PDE2A: variants seen among roughly 807,000 people sequenced by gnomAD.
PDE2A encodes the protein cGMP-dependent 3',5'-cyclic phosphodiesterase.
PDE2A carries 53 observed loss-of-function variants against 133.6 expected under a neutral mutation model. The ratio of observed to expected loss-of-function variants is 0.40; its 90% CI spans 0.32 to 0.50. The LOEUF (loss-of-function observed/expected upper bound fraction) is 0.50. PDE2A is among the 20% of genes least tolerant of loss of function. The pLI is 0.73. For synonymous variants in PDE2A, 491 were observed against 490.2 expected (o/e 1.00, Z -0.02); for missense variants, 796 against 1,232.4 (o/e 0.65, Z 5.30).
intron 1 of PDE2A, among the ~76,000 whole-genome samples, chr11:72,650,566 C>T (rs1165206603): frequency 6.6e-6 from 1 of 152,174 alleles, no homozygotes; most frequent in Non-Finnish European, 1.5e-5. Context: ...CCCAATCCTT[C>T]CCCAATCTCC....
intron 2 of PDE2A, among the ~76,000 whole-genome samples, chr11:72,635,703 GA>G (rs1440237207): frequency 3.9e-5 from 6 of 152,188 alleles, no homozygotes; most frequent in Non-Finnish European, 7.3e-5. Context: ...TTACAAGTGA[GA>G]AAATGCAGCC....
Position 72,580,967 on chromosome 11 carries a change from G to C in PDE2A, c.2052C>G (p.Ile684Met). The change falls in exon 24 of 31, where the codon ATC becomes ATG. Residue 684 changes from isoleucine (I) to methionine (M), a missense_variant. Around this residue, in one of 7 missense-constraint regions of PDE2A, gnomAD observed 218 missense variants for 465.9 expected, o/e 0.47. Transcript: ENST00000334456. ...NLELTNYLED[I>M]EIFALFISCM... Reference sequence around the variant, plus strand: ...AGGAAATAAACAAGGCAAAGATCTCGATGTCCCTGGTTGAGAGGCAGAAAG... The same window carrying C: ...AGGAAATAAACAAGGCAAAGATCTCCATGTCCCTGGTTGAGAGGCAGAAAG... The C allele has an allele frequency of 6.2e-7, 1 of 1,609,362 alleles. No homozygotes were observed. The highest frequency in any genetic ancestry group is 8.5e-7 in the Non-Finnish European group (1 of 1,175,818).
chr11:72,638,313 A>G (rs943809883), intron 2 of PDE2A, among the ~76,000 whole-genome samples: 2 of 152,232 alleles, frequency 1.3e-5, no homozygotes, highest in African/African-American at 4.8e-5. Context: ...TTCCCTAGAC[A>G]GAGCTGGACT....
At chr11:72,636,150 G>C (rs1591111892) in intron 2 of PDE2A, 1 of 1,157,338 alleles carries the variant, frequency 8.6e-7, no homozygotes, top group East Asian at 6.3e-5. Flanking sequence ...GCAGAGGAGG[G>C]GCCCTGCCGG....
intron 1 of PDE2A, among the ~76,000 whole-genome samples, chr11:72,663,740 A>AG (rs1390043007): frequency 3.3e-5 from 5 of 151,904 alleles, no homozygotes; most frequent in African/African-American, 1.2e-4. Context: ...AAAAAAAAAA[A>AG]AAGAAAGAAA....
intron 1 of PDE2A, among the ~76,000 whole-genome samples, chr11:72,669,221 C>T (rs1330153583): frequency 6.6e-6 from 1 of 152,212 alleles, no homozygotes; most frequent in African/African-American, 2.4e-5. Context: ...GCCACCTTCT[C>T]TGCTCTATCT....
rs768459048 is a variant in PDE2A at position 72,642,246 on chromosome 11, C to A, written c.144+8G>T. 2.6e-6 allele frequency: 4 copies of A among 1,514,008 alleles called. No homozygotes were observed. Among genetic ancestry groups the A allele is most frequent in the Non-Finnish European group, 3.5e-6 (4 of 1,133,452 alleles). The allele number at this position is 1,514,008 out of a possible 1,614,324, so 93.8% of individuals were successfully genotyped here. On this transcript the variant is annotated splice_region_variant and intron_variant, in intron 2 of 30. Coordinates refer to ENST00000334456, the MANE Select transcript of PDE2A (RefSeq NM_002599.5). ...TTCTCCTGGTGCCCAGCGCGGGGGC[C>A]CCCCTACCTGCAGGCTGTCGGCGCA...
intron 2 of PDE2A, chr11:72,631,157 T>C: frequency 6.5e-7 from 1 of 1,536,660 alleles, no homozygotes; most frequent in Non-Finnish European, 8.8e-7. Flanking sequence ...GACAAGAAGG[T>C]CAGGGGCTGA....
In PDE2A at chr11:72,674,258, G is replaced by A; in HGVS notation, c.-51C>T. The A allele has an allele frequency of 6.4e-7, 1 of 1,563,290 alleles. No individual in the cohort carries two copies. The highest frequency in any genetic ancestry group is 1.4e-5 in the African/African-American group (1 of 73,942). ...CCAGACTAAGGTGGCACCTCGCCCT[G>A]TCCCCGCTGCCTGGAGTTCAGGGCA... On this transcript the variant is annotated 5_prime_UTR_variant, in exon 1 of 31. Coordinates refer to ENST00000334456, the MANE Select transcript of PDE2A (RefSeq NM_002599.5).
At chr11:72,619,870 C>T (rs983231443) in intron 2 of PDE2A, among the ~76,000 whole-genome samples, 17 of 152,160 alleles carry the variant, frequency 1.1e-4, no homozygotes, top group Non-Finnish European at 1.0e-4. Flanking sequence ...GGCTCAGTTC[C>T]TCATCCGTAA....
At chr11:72,640,399 G>A (rs150313372) in intron 2 of PDE2A, among the ~76,000 whole-genome samples, 1 of 151,198 alleles carries the variant, frequency 6.6e-6, no homozygotes, top group Non-Finnish European at 1.5e-5. Context: ...CCATATGCAC[G>A]TGTACATGCA....
rs1454464605 is a variant in PDE2A, at chr11:72,590,437, G to A, written c.693C>T (p.Leu231=). The change falls in exon 8 of 31, where the codon CTC becomes CTT. Residue 231 remains leucine (L), a synonymous_variant. Transcript: ENST00000334456. This position sits in a 1 kb window ranked among gnomAD's most constrained non-coding sequence, Gnocchi z 4.8. ...AAYTDRDRKI[L]QLCGELYDLD... ...AGGCCGGGCCCTCACCGCACAGTTG[G>A]AGGATCTTGCGGTCGCGGTCGGTGT... 9.0e-6 allele frequency: 14 copies of A among 1,560,356 alleles called. No homozygotes were observed. Among genetic ancestry groups the A allele is most frequent in the Non-Finnish European group, 8.7e-7 (1 of 1,153,930 alleles).
At chr11:72,652,668 C>A (rs1854774641) in intron 1 of PDE2A, 1 of 456,144 alleles carries the variant, frequency 2.2e-6, no homozygotes, top group African/African-American at 2.0e-5. Flanking sequence ...ATTATTAGCC[C>A]AATTTTACAG....
chr11:72,653,387 A>G (rs1453184630), intron 1 of PDE2A, among the ~76,000 whole-genome samples: 1 of 152,190 alleles, frequency 6.6e-6, no homozygotes, highest in East Asian at 1.9e-4. Flanking sequence ...GGAAGGTGGA[A>G]AAAGATAAGA....
At position 72,590,990 on chromosome 11, in the gene PDE2A, G is replaced by T; in HGVS notation, c.549+307C>A. ...TACAGATGCTCCTGGACTTAGGATA[G>T]GGTTGCTTCCCCATAAATCCATCAA... On this transcript the variant is annotated intron_variant, in intron 7 of 30. Coordinates refer to ENST00000334456, the MANE Select transcript of PDE2A (RefSeq NM_002599.5). This position sits in a 1 kb window ranked among gnomAD's most constrained non-coding sequence, Gnocchi z 4.8. 1 of 413,888 alleles carries T rather than the reference G, an allele frequency of 2.4e-6. No homozygotes were observed. Among genetic ancestry groups the T allele is most frequent in the Non-Finnish European group, 4.3e-6 (1 of 230,652 alleles). The allele number at this position is 413,888 out of a possible 1,614,324, so 25.6% of individuals were successfully genotyped here. A position where few individuals can be genotyped will look rare whatever the true frequency, so the allele number is the denominator to read the frequency against.
intron 1 of PDE2A, among the ~76,000 whole-genome samples, chr11:72,661,972 C>T (rs1855078136): frequency 6.6e-6 from 1 of 152,116 alleles, no homozygotes; most frequent in Non-Finnish European, 1.5e-5. Flanking sequence ...GGGTCTCTGT[C>T]TGTGCTATGG....
At chr11:72,591,446 C>T in intron 6 of PDE2A, 90 bp from the exon 7 acceptor site, 1 of 921,680 alleles carries the variant, frequency 1.1e-6, no homozygotes, top group East Asian at 2.4e-5. Context: ...ACACACTGGT[C>T]CCCACCAACA....
chr11:72,672,814 G>T (rs1006653571), intron 1 of PDE2A, among the ~76,000 whole-genome samples: 24 of 150,846 alleles, frequency 1.6e-4, no homozygotes, highest in African/African-American at 5.1e-4. Flanking sequence ...TTTCTTTTCT[G>T]CATCTTTCCC....
At chr11:72,661,708 G>A (rs576576890) in intron 1 of PDE2A, among the ~76,000 whole-genome samples, 10 of 152,344 alleles carry the variant, frequency 6.6e-5, no homozygotes, top group South Asian at 2.1e-4. Flanking sequence ...GGCGAGAGAC[G>A]CTGCACAGGT....
Sources: gnomAD v4.1 joint callset for allele counts (sites outside exome capture counted in the v4.1 genomes callset) on GRCh38, gnomAD v4.1.1 for gene constraint, gnomAD v4.1.1 regional missense constraint, Gnocchi (gnomAD v3.1) non-coding constraint, MANE v1.5 for transcripts, NCBI Gene and HGNC (gene_info 2026-07-23, HGNC 2026-07-21) for gene names.